KCNQ1: variants seen among roughly 807,000 people sequenced by gnomAD.
KCNQ1 encodes the protein potassium voltage-gated channel subfamily KQT member 1.
KCNQ1 carries 49 observed loss-of-function variants against 72.4 expected under a neutral mutation model. The observed-to-expected ratio is 0.68, with a 90% CI of 0.54 to 0.86. The LOEUF is 0.86. KCNQ1 is among the 40% of genes least tolerant of loss of function. KCNQ1 has a pLI of 0.00. For missense variants in KCNQ1, 790 were observed against 945.1 expected (o/e 0.84, Z 2.15); for synonymous variants, 450 against 412.6 (o/e 1.09, Z -1.10).
chr11:2,733,800 A>T (rs112521834), intron 11 of KCNQ1, among the ~76,000 whole-genome samples: 41,646 of 98,572 alleles, frequency 0.42, 8,167 homozygotes, highest in Middle Eastern at 0.54. Context: ...ACACACACAC[A>T]CACACACACA....
chr11:2,770,827 A>G (rs964737538), intron 12 of KCNQ1, among the ~76,000 whole-genome samples: 8 of 152,204 alleles, frequency 5.3e-5, no homozygotes, highest in African/African-American at 1.9e-4. Context: ...CTCGGGGGCA[A>G]TGGAAGAGAG....
rs908327758 is a variant in KCNQ1, at chr11:2,493,695, C to G, written c.387-34233C>G. Among the ~76,000 whole-genome samples the G allele has an allele frequency of 6.6e-6, 1 of 152,046 alleles. No individual in the cohort carries two copies. Among genetic ancestry groups the G allele is most frequent in the Non-Finnish European group, 1.5e-5 (1 of 68,012 alleles). On this transcript the variant is annotated intron_variant, in intron 1 of 15. Coordinates refer to ENST00000155840, the MANE Select transcript of KCNQ1 (RefSeq NM_000218.3). This position sits in a 1 kb window ranked among gnomAD's most constrained non-coding sequence, Gnocchi z 5.3. ...TTATTTCTGAGGTCTCTGTTCTGTT[C>G]CATTGGTTTATATATCTGTCTTCAT...
At chr11:2,540,053 G>A (rs755728259) in intron 2 of KCNQ1, among the ~76,000 whole-genome samples, 2 of 152,076 alleles carry the variant, frequency 1.3e-5, no homozygotes, top group Non-Finnish European at 2.9e-5. Flanking sequence ...GGGGCTCCTA[G>A]GGGGCTGCTA....
rs563644816 is a variant in KCNQ1, at chr11:2,598,780, G to A, written c.1393+9926G>A. ...TAGCCCAGCTCTGCCATTTTCTTAT[G>A]TGGCCCTAAGCAAGCTACTGCATTC... On this transcript the variant is annotated intron_variant, in intron 10 of 15. Coordinates refer to ENST00000155840, the MANE Select transcript of KCNQ1 (RefSeq NM_000218.3). The surrounding 1 kb of genome is among the most constrained non-coding windows in gnomAD (Gnocchi z 6.2). Among the ~76,000 whole-genome samples the A allele has an allele frequency of 6.6e-6, 1 of 152,234 alleles. No individual in the cohort carries two copies. Among genetic ancestry groups the A allele is most frequent in the South Asian group, 2.1e-4 (1 of 4,820 alleles).
chr11:2,812,924 C>A (rs879742946), intron 15 of KCNQ1, among the ~76,000 whole-genome samples: 8 of 152,258 alleles, frequency 5.3e-5, no homozygotes, highest in Non-Finnish European at 1.2e-4. Context: ...CTGTTGGCAC[C>A]TGCCCTCTCC....
Position 2,541,798 on chromosome 11 carries a change from A to C in KCNQ1, c.477+13780A>C, listed in dbSNP as rs556197029. The stretch of plus-strand genomic sequence containing the variant: ...CCTCTCATCCCGGGAGTTTGTAAGA[A>C]TTTGTAGTTTCTCCCCAGAGTTCAT... On this transcript the variant is annotated intron_variant, in intron 2 of 15. Coordinates refer to ENST00000155840, the MANE Select transcript of KCNQ1 (RefSeq NM_000218.3). The surrounding 1 kb of genome is among the most constrained non-coding windows in gnomAD (Gnocchi z 4.8). 6.6e-6 allele frequency among the ~76,000 whole-genome samples: 1 copy of C among 151,918 alleles called. No homozygotes were observed. Among genetic ancestry groups the C allele is most frequent in the African/African-American group, 2.4e-5 (1 of 41,398 alleles).
At chr11:2,730,044 C>T (rs915667491) in intron 11 of KCNQ1, among the ~76,000 whole-genome samples, 3 of 152,086 alleles carry the variant, frequency 2.0e-5, no homozygotes, top group African/African-American at 7.2e-5. Flanking sequence ...GCTGGGACCC[C>T]GAGAGCTAGG....
At chr11:2,469,446 G>A (rs1198199339) in intron 1 of KCNQ1, among the ~76,000 whole-genome samples, 1 of 151,264 alleles carries the variant, frequency 6.6e-6, no homozygotes, top group African/African-American at 2.4e-5. Context: ...GCTAATATTT[G>A]TATTTTAGTA....
chr11:2,679,851 AT>A lies in KCNQ1; in HGVS notation c.1514+17777del. On this transcript the variant is annotated intron_variant, in intron 11 of 15. Coordinates refer to ENST00000155840, the MANE Select transcript of KCNQ1 (RefSeq NM_000218.3). The surrounding 1 kb of genome is among the most constrained non-coding windows in gnomAD (Gnocchi z 4.8). ...TACTTCTGAATTTTATAGGACATGC[AT>A]TTTTTTCATATAAACTTAGAACTAG... 1 of 398,218 alleles carries A rather than the reference AT, an allele frequency of 2.5e-6. No homozygotes were observed. The highest frequency in any genetic ancestry group is 1.3e-4 in the South Asian group (1 of 7,842). The allele number at this position is 398,218 out of a possible 1,614,324, so 24.7% of individuals were successfully genotyped here.
chr11:2,731,905 T>C (rs917676129), intron 11 of KCNQ1, among the ~76,000 whole-genome samples: 8 of 152,182 alleles, frequency 5.3e-5, no homozygotes, highest in African/African-American at 1.9e-4. Flanking sequence ...GAGGGCCCTT[T>C]GGATGAAGCC....
intron 11 of KCNQ1, chr11:2,667,640 C>A (rs1353230742): frequency 2.5e-6 from 1 of 398,594 alleles, no homozygotes; most frequent in Non-Finnish European, 4.4e-6. Flanking sequence ...TCTGCTGATA[C>A]CTGAAAGGGG....
chr11:2,799,977 G>A (rs1352571305), intron 15 of KCNQ1, among the ~76,000 whole-genome samples: 1 of 152,204 alleles, frequency 6.6e-6, no homozygotes, highest in Non-Finnish European at 1.5e-5. Context: ...GTCCGGAGAG[G>A]CCTGGGTAGC....
intron 15 of KCNQ1, among the ~76,000 whole-genome samples, chr11:2,788,460 C>T (rs1846954408): frequency 6.6e-6 from 1 of 152,154 alleles, no homozygotes; most frequent in Non-Finnish European, 1.5e-5. Flanking sequence ...CACTGAAGGG[C>T]TGGTTGCATC....
chr11:2,669,301 T>C lies in KCNQ1; in HGVS notation c.1514+7220T>C, dbSNP rs4930005. On this transcript the variant is annotated intron_variant, in intron 11 of 15. Coordinates refer to ENST00000155840, the MANE Select transcript of KCNQ1 (RefSeq NM_000218.3). The surrounding 1 kb of genome is among the most constrained non-coding windows in gnomAD (Gnocchi z 5.6). Reference sequence around the variant, plus strand: ...GCAGGGTTTCTCCTCACCATACATATGCCAGTTGCCATGGAAAGCCTCCTC... The same window carrying C: ...GCAGGGTTTCTCCTCACCATACATACGCCAGTTGCCATGGAAAGCCTCCTC... 0.25 allele frequency: 99,607 copies of C among 398,432 alleles called. 13,487 individuals are homozygous for C. Among genetic ancestry groups the C allele is most frequent in the African/African-American group, 0.35 (16,951 of 48,642 alleles). The allele number at this position is 398,432 out of a possible 1,614,324, so 24.7% of individuals were successfully genotyped here. A position where few individuals can be genotyped will look rare whatever the true frequency, so the allele number is the denominator to read the frequency against.
chr11:2,740,854 CT>C (rs1846039130), intron 11 of KCNQ1, among the ~76,000 whole-genome samples: 2 of 152,244 alleles, frequency 1.3e-5, no homozygotes, highest in African/African-American at 4.8e-5. Flanking sequence ...TCCCCTGCCT[CT>C]TTCCCGTATC....
In KCNQ1 at chr11:2,723,927, T is replaced by C. The variant is rs1845716174; in HGVS notation, c.1515-44917T>C. On this transcript the variant is annotated intron_variant, in intron 11 of 15. Transcript: ENST00000155840. The surrounding 1 kb of genome is among the most constrained non-coding windows in gnomAD (Gnocchi z 4.2). Reference sequence around the variant, plus strand: ...GGGGATGTGCCGCAGGGATGGGGCATCTCAGCCTTTGTATCTGCCGTGGGC... The same window carrying C: ...GGGGATGTGCCGCAGGGATGGGGCACCTCAGCCTTTGTATCTGCCGTGGGC... 6.6e-6 allele frequency among the ~76,000 whole-genome samples: 1 copy of C among 152,152 alleles called. No individual in the cohort carries two copies. The highest frequency in any genetic ancestry group is 2.4e-5 in the African/African-American group (1 of 41,430).
At position 2,787,046 on chromosome 11, in the gene KCNQ1, T is replaced by A. The variant is rs1233270449; in HGVS notation, c.1794+9009T>A. ...TGAAGTTGGGGTCCTCAGGGAGGAA[T>A]CATGTTTACCCCTTCCATTGCCACA... is the stretch of plus-strand genomic sequence containing the variant. On this transcript the variant is annotated intron_variant, in intron 15 of 15. Coordinates refer to ENST00000155840, the MANE Select transcript of KCNQ1 (RefSeq NM_000218.3). This position sits in a 1 kb window ranked among gnomAD's most constrained non-coding sequence, Gnocchi z 6.3. 6.6e-6 allele frequency among the ~76,000 whole-genome samples: 1 copy of A among 150,782 alleles called. No homozygotes were observed. The highest frequency in any genetic ancestry group is 1.5e-5 in the Non-Finnish European group (1 of 67,756).
In KCNQ1 at chr11:2,541,378, T is replaced by C. The variant is rs1299396419; in HGVS notation, c.477+13360T>C. Among the ~76,000 whole-genome samples, 2 of 152,206 alleles carry C rather than the reference T, an allele frequency of 1.3e-5. No individual in the cohort carries two copies. Among genetic ancestry groups the C allele is most frequent in the African/African-American group, 2.4e-5 (1 of 41,458 alleles). On this transcript the variant is annotated intron_variant, in intron 2 of 15. Transcript: ENST00000155840. The surrounding 1 kb of genome is among the most constrained non-coding windows in gnomAD (Gnocchi z 4.8). ...AAGGGCGGGCGTCTTTATTTCATTT[T>C]AGCTTTCTTTAGCGGGGCCTGTGTC...
intron 15 of KCNQ1, among the ~76,000 whole-genome samples, chr11:2,780,857 C>A (rs555905222): frequency 4.6e-5 from 7 of 152,168 alleles, no homozygotes; most frequent in Admixed American, 2.0e-4. Context: ...CACAGTCCTG[C>A]GGGCTCGTCA....
Sources: gnomAD v4.1 joint callset for allele counts (sites outside exome capture counted in the v4.1 genomes callset) on GRCh38, gnomAD v4.1.1 for gene constraint, Gnocchi (gnomAD v3.1) non-coding constraint, MANE v1.5 for transcripts, NCBI Gene and HGNC (gene_info 2026-07-23, HGNC 2026-07-21) for gene names.